Variants in MAGI1 observed in about 807,000 individuals in gnomAD.
MAGI1 encodes the protein membrane-associated guanylate kinase, WW and PDZ domain-containing protein 1.
Under a neutral mutation model 139.9 loss-of-function variants are expected in MAGI1, and 58 were observed. That is an observed-to-expected ratio of 0.41 (90% CI 0.34 to 0.52). MAGI1 has a LOEUF of 0.52. Among genes scored for constraint, MAGI1 ranks in the 20% least tolerant of loss-of-function variants. The probability of loss-of-function intolerance (pLI) is 0.12; values close to 1 mark genes in which losing one functional copy is unlikely to be tolerated. For synonymous variants in MAGI1, 812 were observed against 737.9 expected (o/e 1.10, Z -1.63); for missense variants, 1,874 against 1,901.6 (o/e 0.99, Z 0.27).
In MAGI1 at chr3:65,947,892, C is replaced by T. The variant is rs565022352; in HGVS notation, c.313+90104G>A. On this transcript the variant is annotated intron_variant, in intron 1 of 22. Coordinates refer to ENST00000402939, the MANE Select transcript of MAGI1 (RefSeq NM_001033057.2). ...TCAGCCTCCCAAAGTGCTGGGATTACAGGCATTGAGCAACTGCTGTGCCCA... is the reference window on the plus strand; with the variant it reads ...TCAGCCTCCCAAAGTGCTGGGATTATAGGCATTGAGCAACTGCTGTGCCCA... 7.2e-5 allele frequency among the ~76,000 whole-genome samples: 11 copies of T among 151,732 alleles called. No individual in the cohort carries two copies. In the South Asian group the frequency reaches 2.1e-3, roughly 29 times the overall value.
At position 65,429,108 on chromosome 3, in the gene MAGI1, G is replaced by C. The variant is rs866086658; in HGVS notation, c.2167+412C>G. ...AAGTTCAGGAGATTTAAAGGATAAAGGTTATTATTTTTTATATATATATAA... is the reference window on the plus strand; with the variant it reads ...AAGTTCAGGAGATTTAAAGGATAAACGTTATTATTTTTTATATATATATAA... On this transcript the variant is annotated intron_variant, in intron 12 of 22. Coordinates refer to ENST00000402939, the MANE Select transcript of MAGI1 (RefSeq NM_001033057.2). 5.5e-4 allele frequency among the ~76,000 whole-genome samples: 84 copies of C among 151,986 alleles called. 1 individual carries two copies. In the Middle Eastern group the frequency reaches 0.01, roughly 18 times the overall value.
At chr3:65,793,868 T>G (rs2039949546) in intron 1 of MAGI1, among the ~76,000 whole-genome samples, 1 of 152,244 alleles carries the variant, frequency 6.6e-6, no homozygotes, top group South Asian at 2.1e-4. Flanking sequence ...AACTCAATTT[T>G]CTGCTATTTG....
intron 1 of MAGI1, among the ~76,000 whole-genome samples, chr3:65,736,543 C>G (rs1277509157): frequency 6.6e-6 from 1 of 152,096 alleles, no homozygotes; most frequent in Non-Finnish European, 1.5e-5. Context: ...AACTCCCAAT[C>G]CAAGCCAGAA....
At chr3:65,509,450 A>C (rs914141581) in intron 2 of MAGI1, among the ~76,000 whole-genome samples, 1 of 152,140 alleles carries the variant, frequency 6.6e-6, no homozygotes. Context: ...GGGTGCGCGT[A>C]CCGTGCGCAA....
chr3:65,821,301 C>T (rs1437308631), intron 1 of MAGI1, among the ~76,000 whole-genome samples: 1 of 152,080 alleles, frequency 6.6e-6, no homozygotes, highest in African/African-American at 2.4e-5. Context: ...ATTCCCCTGC[C>T]CTGTTTCAGG....
chr3:65,983,406 GA>G (rs1408038703), intron 1 of MAGI1, among the ~76,000 whole-genome samples: 1 of 152,148 alleles, frequency 6.6e-6, no homozygotes, highest in Non-Finnish European at 1.5e-5. Context: ...GCCTCTCTGT[GA>G]AATGACTTTA....
At chr3:65,588,342 C>T (rs1188832478) in intron 2 of MAGI1, among the ~76,000 whole-genome samples, 2 of 152,074 alleles carry the variant, frequency 1.3e-5, no homozygotes, top group African/African-American at 2.4e-5. Context: ...TAAGGTGGAG[C>T]GTTTGCATTC....
At chr3:65,446,626 G>A (rs538417540) in intron 7 of MAGI1, among the ~76,000 whole-genome samples, 1 of 152,316 alleles carries the variant, frequency 6.6e-6, no homozygotes, top group South Asian at 2.1e-4. Flanking sequence ...TAGGTAGCAA[G>A]AGTGGTTGAA....
At chr3:65,964,119 A>G (rs1014890583) in intron 1 of MAGI1, among the ~76,000 whole-genome samples, 1 of 152,108 alleles carries the variant, frequency 6.6e-6, no homozygotes, top group Non-Finnish European at 1.5e-5. Context: ...AACCAACACA[A>G]TTTTAACCCA....
chr3:65,841,749 G>A (rs923796705), intron 1 of MAGI1, among the ~76,000 whole-genome samples: 1 of 151,926 alleles, frequency 6.6e-6, no homozygotes, highest in Non-Finnish European at 1.5e-5. Context: ...TCTAATATAA[G>A]CATTTAGTGT....
In MAGI1 at chr3:65,809,389, G is replaced by C. The variant is rs72896025; in HGVS notation, c.314-187301C>G. Among the ~76,000 whole-genome samples, 296 of 152,250 alleles carry C rather than the reference G, an allele frequency of 1.9e-3. 1 individual carries two copies. Among genetic ancestry groups the C allele is most frequent in the African/African-American group, 6.5e-3 (268 of 41,550 alleles). On this transcript the variant is annotated intron_variant, in intron 1 of 22. Transcript: ENST00000402939. Reference sequence around the variant, plus strand: ...ACTTTATGTAAAACTTTATCAAGATGACAGAAATTCAGTTCTCCAACGTCA... The same window carrying C: ...ACTTTATGTAAAACTTTATCAAGATCACAGAAATTCAGTTCTCCAACGTCA...
chr3:65,701,847 A>C (rs895331703), intron 1 of MAGI1, among the ~76,000 whole-genome samples: 1 of 152,230 alleles, frequency 6.6e-6, no homozygotes, highest in Non-Finnish European at 1.5e-5. Context: ...ATAGAGGAGA[A>C]AATAGTAAGA....
At chr3:65,360,225 G>C in intron 22 of MAGI1, 1 of 985,260 alleles carries the variant, frequency 1.0e-6, no homozygotes, top group Middle Eastern at 5.2e-4. Flanking sequence ...AAAAGAGGGT[G>C]ATAATAGATA....
At chr3:65,503,572 T>C (rs755919623) in intron 2 of MAGI1, among the ~76,000 whole-genome samples, 62 of 152,302 alleles carry the variant, frequency 4.1e-4, no homozygotes, top group Non-Finnish European at 6.5e-4. Flanking sequence ...GTAAAGACAA[T>C]TATTTTATTC....
At chr3:65,526,166 G>A (rs1379837888) in intron 2 of MAGI1, among the ~76,000 whole-genome samples, 1 of 152,092 alleles carries the variant, frequency 6.6e-6, no homozygotes, top group African/African-American at 2.4e-5. Flanking sequence ...CGGCAGGGTG[G>A]GATATATGCT....
rs541771652 is a variant in MAGI1 at position 65,989,698 on chromosome 3, C to T, written c.313+48298G>A. On this transcript the variant is annotated intron_variant, in intron 1 of 22. Transcript: ENST00000402939. ...GATTACAGGCACCAGCCACCACACC[C>T]GGCTAATTTTTGTATTTTTGGTAGA... 6.6e-5 allele frequency among the ~76,000 whole-genome samples: 10 copies of T among 152,166 alleles called. No individual in the cohort carries two copies. In the South Asian group the frequency reaches 1.0e-3, roughly 16 times the overall value.
intron 2 of MAGI1, among the ~76,000 whole-genome samples, chr3:65,588,350 T>C (rs2081795098): frequency 6.6e-6 from 1 of 152,164 alleles, no homozygotes; most frequent in Admixed American, 6.5e-5. Context: ...AGCGTTTGCA[T>C]TCAAAGGCAA....
At chr3:65,448,207 T>G in intron 6 of MAGI1, 150 bp from the exon 7 acceptor site, 2 of 736,222 alleles carry the variant, frequency 2.7e-6, no homozygotes, top group Admixed American at 4.4e-5. Flanking sequence ...TTTCATTGGC[T>G]TGGATAGTAA....
At chr3:65,669,388 T>C (rs918487215) in intron 1 of MAGI1, among the ~76,000 whole-genome samples, 32 of 152,328 alleles carry the variant, frequency 2.1e-4, no homozygotes, top group African/African-American at 7.2e-4. Flanking sequence ...GGAGAAGGAC[T>C]CTTTGGTCAA....
Sources: gnomAD v4.1 joint callset for allele counts (sites outside exome capture counted in the v4.1 genomes callset) on GRCh38, gnomAD v4.1.1 for gene constraint, MANE v1.5 for transcripts, NCBI Gene and HGNC (gene_info 2026-07-23, HGNC 2026-07-21) for gene names.